The following NRF1 variants were observed in gnomAD, a reference collection of about 807,000 sequenced individuals.
The protein encoded by NRF1 is alpha palindromic-binding protein.
A neutral mutation model predicts 58.5 loss-of-function variants in NRF1; 5 were observed. The ratio of observed to expected loss-of-function variants is 0.09; its 90% confidence interval spans 0.04 to 0.18. The LOEUF is 0.18. NRF1 is among the 10% of genes least tolerant of loss of function. The probability of loss-of-function intolerance (pLI) is 1.00; values close to 1 mark genes in which losing one functional copy is unlikely to be tolerated. For missense variants in NRF1, 288 were observed against 657.7 expected (o/e 0.44, Z 6.15); for synonymous variants, 224 against 246.7 (o/e 0.91, Z 0.86).
chr7:129,631,320 A>G (rs908666679), intron 1 of NRF1, among the ~76,000 whole-genome samples: 1 of 151,976 alleles, frequency 6.6e-6, no homozygotes, highest in African/African-American at 2.4e-5. Context: ...CCCTGACTCA[A>G]GCAGTCCTTC....
intron 1 of NRF1, among the ~76,000 whole-genome samples, chr7:129,616,697 C>A (rs1233519586): frequency 6.6e-6 from 1 of 152,216 alleles, no homozygotes; most frequent in Non-Finnish European, 1.5e-5. Flanking sequence ...AGAAGATAAT[C>A]TGACAGTAAG....
intron 9 of NRF1, among the ~76,000 whole-genome samples, chr7:129,724,955 T>C (rs1438212380): frequency 6.6e-6 from 1 of 152,174 alleles, no homozygotes; most frequent in Non-Finnish European, 1.5e-5. Context: ...ACACCTATAG[T>C]TCCAGCTATT....
At chr7:129,709,729 CTTTTTT>C (rs71527924) in intron 6 of NRF1, among the ~76,000 whole-genome samples, 1 of 127,940 alleles carries the variant, frequency 7.8e-6, no homozygotes. Context: ...TCTTTTCTTT[CTTTTTT>C]TTTTTTTTTT....
chr7:129,753,726 CTT>C (rs35182596), intron 10 of NRF1, among the ~76,000 whole-genome samples: 5 of 151,556 alleles, frequency 3.3e-5, no homozygotes, highest in African/African-American at 1.2e-4. Context: ...TAGCTGGGGT[CTT>C]TTTTTTTTAA....
chr7:129,682,178 G>A (rs1802329834), intron 4 of NRF1, among the ~76,000 whole-genome samples: 1 of 151,798 alleles, frequency 6.6e-6, no homozygotes, highest in African/African-American at 2.4e-5. Flanking sequence ...AACCCACCAT[G>A]GGGGGGCATG....
intron 6 of NRF1, 55 bp from the exon 7 acceptor site, chr7:129,710,319 T>A (rs181629895): frequency 6.4e-7 from 1 of 1,552,346 alleles, no homozygotes; most frequent in East Asian, 2.2e-5. Context: ...ATATTGGGAC[T>A]AAATAACCAA....
chr7:129,614,473 A>T (rs1315119539), intron 1 of NRF1, among the ~76,000 whole-genome samples: 2 of 24,710 alleles, frequency 8.1e-5, no homozygotes, highest in Admixed American at 3.1e-4. Context: ...GTGTACATAC[A>T]TATATATAAT....
chr7:129,679,031 C>T (rs1393060290), intron 4 of NRF1, among the ~76,000 whole-genome samples: 1 of 151,994 alleles, frequency 6.6e-6, no homozygotes, highest in East Asian at 1.9e-4. Context: ...AATATATCTT[C>T]CAGAGCACCG....
rs138654944 is a variant in NRF1 at position 129,669,677 on chromosome 7, C to A, written c.224-1752C>A. Among the ~76,000 whole-genome samples, 1,149 of 152,202 alleles carry A rather than the reference C, an allele frequency of 7.5e-3. 17 individuals are homozygous for A. The highest frequency in any genetic ancestry group is 0.026 in the African/African-American group (1,093 of 41,530). On this transcript the variant is annotated intron_variant, in intron 2 of 10. Transcript: ENST00000393232. ...AACAGGTTAGATGCTCAACTATTATCAAAAATATAAACTAGTGGCGGTGAG... is the reference window on the plus strand; with the variant it reads ...AACAGGTTAGATGCTCAACTATTATAAAAAATATAAACTAGTGGCGGTGAG...
At chr7:129,710,292 AAGT>A (rs1321388237) in intron 6 of NRF1, 79 bp from the exon 7 acceptor site, 20 of 1,236,828 alleles carry the variant, frequency 1.6e-5, no homozygotes, top group Non-Finnish European at 2.4e-5. Flanking sequence ...TTTGATAAAG[AAGT>A]AGCTGCTTAT....
intron 5 of NRF1, among the ~76,000 whole-genome samples, chr7:129,704,624 C>T (rs1325937603): frequency 6.6e-6 from 1 of 152,034 alleles, no homozygotes; most frequent in African/African-American, 2.4e-5. Flanking sequence ...TTGCATATAC[C>T]TAGTGAGATA....
chr7:129,749,204 A>C (rs1332696038), intron 10 of NRF1, among the ~76,000 whole-genome samples: 1 of 152,218 alleles, frequency 6.6e-6, no homozygotes, highest in African/African-American at 2.4e-5. Context: ...ATTACAAAGG[A>C]AGGCAAGAGA....
chr7:129,694,024 A>G (rs1374187290), intron 5 of NRF1, among the ~76,000 whole-genome samples: 1 of 152,232 alleles, frequency 6.6e-6, no homozygotes, highest in Non-Finnish European at 1.5e-5. Context: ...ATATTTGTCA[A>G]AACCACACTC....
intron 1 of NRF1, among the ~76,000 whole-genome samples, chr7:129,638,012 T>C (rs1801207665): frequency 6.6e-6 from 1 of 152,182 alleles, no homozygotes; most frequent in African/African-American, 2.4e-5. Context: ...TATTTCTCTG[T>C]ACCAAGAGTT....
Position 129,671,431 on chromosome 7 carries a change from C to T in NRF1, c.226C>T (p.Pro76Ser). Residue 76 changes from proline (P) to serine (S), a missense_variant and splice_region_variant, in exon 3 of 11, where the codon CCT becomes TCT. Pro to Ser is a moderately conservative substitution (Grantham distance 74). Around this residue, in one of 3 missense-constraint regions of NRF1, gnomAD observed 212 missense variants for 559.7 expected, o/e 0.38. Transcript: ENST00000393232. ...EVTAHLAAAG[P>S]VGMAAAAAVA... ...CAGCACATACGTTATTATTTCAGGTCCTGTGGGAATGGCCGCTGCTGCTGC... is the reference window on the plus strand; with the variant it reads ...CAGCACATACGTTATTATTTCAGGTTCTGTGGGAATGGCCGCTGCTGCTGC... The T allele has an allele frequency of 6.2e-7, 1 of 1,608,556 alleles. No individual in the cohort carries two copies.
At chr7:129,612,754 G>C (rs2151050798) in intron 1 of NRF1, among the ~76,000 whole-genome samples, 1 of 152,274 alleles carries the variant, frequency 6.6e-6, no homozygotes, top group East Asian at 1.9e-4. Context: ...ACCTTTTCGG[G>C]TTTGTCATTG....
intron 1 of NRF1, among the ~76,000 whole-genome samples, chr7:129,614,695 C>T (rs1344930041): frequency 6.6e-6 from 1 of 151,910 alleles, no homozygotes; most frequent in Non-Finnish European, 1.5e-5. Flanking sequence ...TAATGAGGGC[C>T]CTTGTCCAGA....
intron 1 of NRF1, among the ~76,000 whole-genome samples, chr7:129,613,369 C>G (rs1217482080): frequency 6.6e-6 from 1 of 152,048 alleles, no homozygotes; most frequent in African/African-American, 2.4e-5. Context: ...GACAGGTTAC[C>G]CCGTAAGACA....
intron 1 of NRF1, among the ~76,000 whole-genome samples, chr7:129,622,338 C>A (rs1050921346): frequency 6.6e-6 from 1 of 152,022 alleles, no homozygotes; most frequent in African/African-American, 2.4e-5. Context: ...GCTTTTTCCC[C>A]ATTTGAAAAA....
Sources: allele counts gnomAD v4.1 joint callset (sites outside exome capture counted in the v4.1 genomes callset), GRCh38; gene constraint gnomAD v4.1.1; regional missense constraint gnomAD v4.1.1; transcripts MANE v1.5; gene names NCBI Gene and HGNC (gene_info 2026-07-23, HGNC 2026-07-21).